The following ZNF503 variants were observed in gnomAD, a reference collection of about 807,000 sequenced individuals.
The protein encoded by ZNF503 is NocA-like zinc finger 2.
In ZNF503, 15 loss-of-function variants were observed where a neutral mutation model predicts 34.4. The observed-to-expected ratio is 0.44, with a 90% CI of 0.29 to 0.67. The LOEUF (loss-of-function observed/expected upper bound fraction) is 0.67, where lower values mean the gene tolerates loss of function less well. ZNF503 is among the 30% of genes least tolerant of loss of function. The probability of loss-of-function intolerance (pLI) is 0.13; values close to 1 mark genes in which losing one functional copy is unlikely to be tolerated. For missense variants in ZNF503, 1,007 were observed against 926.8 expected, an observed-to-expected ratio of 1.09 and a Z score of -1.12; for synonymous variants, 580 against 456.8, an observed-to-expected ratio of 1.27 and a Z score of -3.44.
chr10:75,308,173 C>G, the ZNF503 span, among the ~76,000 whole-genome samples: 1 of 145,026 alleles, frequency 6.9e-6, no homozygotes, highest in Non-Finnish European at 1.5e-5. Context: ...AATGGAAAAA[C>G]AAATCCTGGG....
chr10:75,379,379 C>T, the ZNF503 span, among the ~76,000 whole-genome samples: 5 of 152,108 alleles, frequency 3.3e-5, no homozygotes, highest in Middle Eastern at 3.2e-3. Context: ...TGATTTACTT[C>T]GGATGGATAA....
At chr10:75,342,743 G>C in the ZNF503 span, among the ~76,000 whole-genome samples, 1 of 152,084 alleles carries the variant, frequency 6.6e-6, no homozygotes, top group Non-Finnish European at 1.5e-5. Flanking sequence ...CCAATGTTCT[G>C]CTGGCACTGG....
chr10:75,328,804 T>C, the ZNF503 span, among the ~76,000 whole-genome samples: 1 of 147,108 alleles, frequency 6.8e-6, no homozygotes, highest in Non-Finnish European at 1.5e-5. Flanking sequence ...TGGAGTGCAG[T>C]GGTGTGATCT....
At chr10:75,281,129 C>T in the ZNF503 span, among the ~76,000 whole-genome samples, 3 of 152,100 alleles carry the variant, frequency 2.0e-5, no homozygotes, top group Admixed American at 6.5e-5. Context: ...GTTGGGATGA[C>T]GGTCACTCTA....
At chr10:75,329,415 TTTCCTTCC>T in the ZNF503 span, among the ~76,000 whole-genome samples, 101 of 90,454 alleles carry the variant, frequency 1.1e-3, no homozygotes, top group South Asian at 6.3e-3. Context: ...CCTTCCTTCC[TTTCCTTCC>T]TTCCTTCCTT....
chr10:75,286,048 C>A, the ZNF503 span, among the ~76,000 whole-genome samples: 1 of 152,020 alleles, frequency 6.6e-6, no homozygotes, highest in East Asian at 1.9e-4. Context: ...TTTGGGAGGC[C>A]GAGGCAGGTG....
At chr10:75,395,965 G>C (rs1452827649), downstream of ZNF503, among the ~76,000 whole-genome samples, 1 of 152,168 alleles carries the variant, frequency 6.6e-6, no homozygotes, top group Non-Finnish European at 1.5e-5. The surrounding 1 kb of genome is among the most constrained non-coding windows in gnomAD (Gnocchi z 4.4). Flanking sequence ...GGTCGCTCAG[G>C]GACCCCTGTC....
At chr10:75,360,053 G>A in the ZNF503 span, among the ~76,000 whole-genome samples, 7,407 of 151,534 alleles carry the variant, frequency 0.049, 490 homozygotes, top group African/African-American at 0.15. Context: ...ATCAAGGAAC[G>A]CAGAGCTGAG....
the ZNF503 span, among the ~76,000 whole-genome samples, chr10:75,342,690 G>A: frequency 1.3e-5 from 2 of 152,064 alleles, no homozygotes; most frequent in Non-Finnish European, 2.9e-5. Flanking sequence ...GCTTGTGGGT[G>A]TGGTTTGCTC....
rs765756092 is a variant in ZNF503 at position 75,399,603 on chromosome 10, G to A, written c.1087C>T (p.Leu363=). 2 of 1,597,822 alleles carry A rather than the reference G, an allele frequency of 1.3e-6. No homozygotes were observed. The highest frequency in any genetic ancestry group is 1.3e-5 in the African/African-American group (1 of 74,914). The part of the protein sequence containing the change: ...PPAGMTYPGS[L]AGAYAGYPPQ... Reference sequence around the variant, plus strand: ...GGGTAGCCGGCGTAGGCCCCGGCCAGGCTGCCTGGGTAGGTCATACCCGCG... The same window carrying A: ...GGGTAGCCGGCGTAGGCCCCGGCCAAGCTGCCTGGGTAGGTCATACCCGCG... Residue 363 remains leucine, a synonymous_variant, in exon 2 of 2, where the codon CTG becomes TTG. Transcript: ENST00000372524.
At chr10:75,321,043 A>G in the ZNF503 span, among the ~76,000 whole-genome samples, 2 of 152,122 alleles carry the variant, frequency 1.3e-5, no homozygotes, top group Non-Finnish European at 2.9e-5. Flanking sequence ...TTTCTCACGA[A>G]TGGTTTAGCA....
chr10:75,311,016 C>G, the ZNF503 span, among the ~76,000 whole-genome samples: 2 of 152,068 alleles, frequency 1.3e-5, no homozygotes, highest in South Asian at 4.1e-4. Context: ...TCTAGAGGGA[C>G]AGAACTAATA....
the ZNF503 span, among the ~76,000 whole-genome samples, chr10:75,310,638 C>G: frequency 6.6e-6 from 1 of 152,168 alleles, no homozygotes; most frequent in Non-Finnish European, 1.5e-5. Flanking sequence ...AAGTAAGGAG[C>G]AAGGACTTTC....
At chr10:75,357,529 A>T in the ZNF503 span, among the ~76,000 whole-genome samples, 3 of 152,160 alleles carry the variant, frequency 2.0e-5, no homozygotes, top group Non-Finnish European at 4.4e-5. Context: ...AAAAGAAAGA[A>T]AATAACTAAT....
the ZNF503 span, among the ~76,000 whole-genome samples, chr10:75,388,867 C>T: frequency 9.2e-5 from 14 of 152,308 alleles, no homozygotes; most frequent in African/African-American, 3.4e-4. Context: ...TCTTTAAAAT[C>T]TTGGATTTCC....
chr10:75,313,580 T>C, the ZNF503 span, among the ~76,000 whole-genome samples: 1 of 152,206 alleles, frequency 6.6e-6, no homozygotes, highest in Non-Finnish European at 1.5e-5. Flanking sequence ...GTCTGGGGAC[T>C]CCACTAAACA....
the ZNF503 span, among the ~76,000 whole-genome samples, chr10:75,356,305 C>T: frequency 9.0e-3 from 1,368 of 152,306 alleles, 18 homozygotes; most frequent in African/African-American, 0.03. Context: ...CAAGCTCTGC[C>T]TTTCAGGTTC....
the ZNF503 span, among the ~76,000 whole-genome samples, chr10:75,297,061 C>T: frequency 1.5e-4 from 23 of 152,280 alleles, no homozygotes; most frequent in African/African-American, 5.3e-4. Flanking sequence ...TGCCCTTCTG[C>T]CACATGAGCC....
chr10:75,317,927 TG>T, the ZNF503 span, among the ~76,000 whole-genome samples: 5 of 151,814 alleles, frequency 3.3e-5, no homozygotes, highest in Admixed American at 6.6e-5. Flanking sequence ...ACCCAAGAAG[TG>T]GAGGTTGCAG....
Sources: gnomAD v4.1 joint callset for allele counts (sites outside exome capture counted in the v4.1 genomes callset) on GRCh38, gnomAD v4.1.1 for gene constraint, Gnocchi (gnomAD v3.1) non-coding constraint, MANE v1.5 for transcripts, NCBI Gene and HGNC (gene_info 2026-07-23, HGNC 2026-07-21) for gene names.